The following MAPRE3 variants were observed in gnomAD, a reference collection of about 807,000 sequenced individuals.
The protein encoded by MAPRE3 is microtubule-associated protein RP/EB family member 3.
In MAPRE3, 2 loss-of-function variants were observed where a neutral mutation model predicts 30.5. That is an observed-to-expected ratio of 0.07 (90% CI 0.03 to 0.21). The LOEUF (loss-of-function observed/expected upper bound fraction) is 0.21. Ranked by LOEUF, MAPRE3 falls within the 10% of genes least tolerant of loss-of-function variation. The pLI is 1.00. For synonymous variants in MAPRE3, 110 were observed against 127.7 expected, an observed-to-expected ratio of 0.86 and a Z score of 0.93; for missense variants, 204 against 351.8, an observed-to-expected ratio of 0.58 and a Z score of 3.36.
intron 1 of MAPRE3, among the ~76,000 whole-genome samples, chr2:27,016,834 C>T (rs1383131334): frequency 1.3e-5 from 2 of 152,092 alleles, no homozygotes; most frequent in African/African-American, 4.8e-5. Flanking sequence ...AGAAGTTGGA[C>T]CTCTTTGGTG....
chr2:26,995,029 G>A (rs536756265), intron 1 of MAPRE3, among the ~76,000 whole-genome samples: 1 of 151,956 alleles, frequency 6.6e-6, no homozygotes, highest in South Asian at 2.1e-4. Context: ...TGCTCAAGAC[G>A]GAATCTCACT....
intron 1 of MAPRE3, among the ~76,000 whole-genome samples, chr2:26,981,618 G>T (rs1166543706): frequency 6.6e-6 from 1 of 152,168 alleles, no homozygotes; most frequent in Non-Finnish European, 1.5e-5. Context: ...CTCAGGAGTC[G>T]AGCTGTGCCT....
At chr2:27,003,893 C>T (rs1339906211) in intron 1 of MAPRE3, among the ~76,000 whole-genome samples, 2 of 152,252 alleles carry the variant, frequency 1.3e-5, no homozygotes, top group Non-Finnish European at 2.9e-5. Flanking sequence ...CCGTCACTCA[C>T]TGAATTGACA....
intron 1 of MAPRE3, chr2:26,996,794 G>A (rs763290649): frequency 3.9e-5 from 6 of 151,966 alleles, no homozygotes; most frequent in Non-Finnish European, 8.8e-5. Flanking sequence ...GCGACAGAGC[G>A]AGACTCCATC....
chr2:26,991,049 T>C (rs372087146), intron 1 of MAPRE3, among the ~76,000 whole-genome samples: 116 of 152,220 alleles, frequency 7.6e-4, no homozygotes, highest in South Asian at 4.8e-3. Context: ...GTCTGCAGAT[T>C]GAGACCATCC....
At chr2:26,989,990 A>G (rs535674045) in intron 1 of MAPRE3, among the ~76,000 whole-genome samples, 1 of 152,120 alleles carries the variant, frequency 6.6e-6, no homozygotes, top group Admixed American at 6.5e-5. Flanking sequence ...ACAAGCCTAG[A>G]CAACATAGTG....
rs1026022557 is a variant in MAPRE3 at position 26,970,660 on chromosome 2, CTG to C, written c.-147_-146del. The C allele has an allele frequency of 6.6e-6, 1 of 152,304 alleles. No homozygotes were observed. The highest frequency in any genetic ancestry group is 2.4e-5 in the African/African-American group (1 of 41,474). 9.4% of individuals were successfully genotyped at this position (152,304 alleles called of 1,614,324 possible). On this transcript the variant is annotated 5_prime_UTR_variant, in exon 1 of 7. Coordinates refer to ENST00000233121, the MANE Select transcript of MAPRE3 (RefSeq NM_012326.4). Reference sequence around the variant, plus strand: ...GCAGTGCCCTCGTCCCCCGCAGTCTCTGTGCGTTGAAGCCGGAGACCGCGGCG... The same window carrying C: ...GCAGTGCCCTCGTCCCCCGCAGTCTCTGCGTTGAAGCCGGAGACCGCGGCG...
chr2:27,007,980 G>C (rs1170139497), intron 1 of MAPRE3, among the ~76,000 whole-genome samples: 1 of 152,170 alleles, frequency 6.6e-6, no homozygotes, highest in Admixed American at 6.5e-5. Flanking sequence ...TTTAAAATAT[G>C]ATGAGTCCTT....
chr2:27,025,533 C>T lies in MAPRE3; in HGVS notation c.470-50C>T, dbSNP rs184867059. ...CCTCACACCAGGCTGTCTCCTGCCA[C>T]GTGCGCTGTGGGCTCACGTGGACTT... is the stretch of plus-strand genomic sequence containing the variant. On this transcript the variant is annotated intron_variant, in intron 4 of 6. Coordinates refer to ENST00000233121, the MANE Select transcript of MAPRE3 (RefSeq NM_012326.4). The T allele has an allele frequency of 6.6e-6, 10 of 1,522,836 alleles. No homozygotes were observed. In the East Asian group the frequency reaches 2.3e-4, roughly 34 times the overall value. 94.3% of individuals were successfully genotyped at this position (1,522,836 alleles called of 1,614,324 possible).
intron 1 of MAPRE3, chr2:27,014,881 G>A (rs1319542346): frequency 6.6e-6 from 1 of 152,344 alleles, no homozygotes; most frequent in African/African-American, 2.4e-5. Flanking sequence ...GTAGCCCAGT[G>A]ACAATGGGCA....
At chr2:27,013,731 C>G (rs1239210960) in intron 1 of MAPRE3, 1 of 152,380 alleles carries the variant, frequency 6.6e-6, no homozygotes, top group East Asian at 1.9e-4. Context: ...TGTCCCTACT[C>G]TCTCCCTGCT....
intron 1 of MAPRE3, among the ~76,000 whole-genome samples, chr2:26,971,540 G>A (rs576436570): frequency 1.3e-5 from 2 of 152,282 alleles, no homozygotes; most frequent in Admixed American, 1.3e-4. Context: ...AGGGAGAAGA[G>A]GTTGCGTTTG....
At chr2:27,011,486 C>T (rs1666853221) in intron 1 of MAPRE3, among the ~76,000 whole-genome samples, 1 of 152,176 alleles carries the variant, frequency 6.6e-6, no homozygotes, top group Non-Finnish European at 1.5e-5. Context: ...ATCCCATGTC[C>T]TCATGATGCC....
chr2:26,997,560 C>T (rs1448849086), intron 1 of MAPRE3, among the ~76,000 whole-genome samples: 4 of 152,028 alleles, frequency 2.6e-5, no homozygotes, highest in African/African-American at 4.8e-5. Context: ...GATCTGGTGC[C>T]GCCGCTGATC....
At chr2:27,008,452 G>T (rs940434281) in intron 1 of MAPRE3, among the ~76,000 whole-genome samples, 1 of 152,038 alleles carries the variant, frequency 6.6e-6, no homozygotes, top group Non-Finnish European at 1.5e-5. Context: ...TTAAAGTTAT[G>T]AAATTTATTT....
At position 27,022,132 on chromosome 2, in the gene MAPRE3, T is replaced by A. The variant is rs771535441; in HGVS notation, c.-7-80T>A. The A allele has an allele frequency of 4.8e-5, 72 of 1,512,172 alleles. No individual in the cohort carries two copies. In the African/African-American group the frequency reaches 9.6e-4, roughly 20 times the overall value. 93.7% of individuals were successfully genotyped at this position (1,512,172 alleles called of 1,614,324 possible). A position where few individuals can be genotyped will look rare whatever the true frequency, so the allele number is the denominator to read the frequency against. The stretch of plus-strand genomic sequence containing the variant: ...AGGGAATGTTTCTTACTTCCCAGTA[T>A]CATACAGCCCCTCTCTCTTGACAGC... On this transcript the variant is annotated intron_variant, in intron 1 of 6. Transcript: ENST00000233121.
At chr2:26,980,243 A>G (rs1666086111) in intron 1 of MAPRE3, among the ~76,000 whole-genome samples, 2 of 152,222 alleles carry the variant, frequency 1.3e-5, no homozygotes, top group Non-Finnish European at 2.9e-5. Flanking sequence ...TCCATTCAGT[A>G]AAACACTGGA....
chr2:26,972,882 A>T (rs1665941828), intron 1 of MAPRE3, among the ~76,000 whole-genome samples: 1 of 152,172 alleles, frequency 6.6e-6, no homozygotes, highest in Admixed American at 6.5e-5. Context: ...ATAATGATGG[A>T]ATGCCTTTTA....
chr2:27,018,899 A>T lies in MAPRE3; in HGVS notation c.-7-3313A>T, dbSNP rs4616434. On this transcript the variant is annotated intron_variant, in intron 1 of 6. Transcript: ENST00000233121. ...GGAAGGGGCAGGCACACACATTTTTATTTATTTATTTATTTATTTATTTAT... is the reference window on the plus strand; with the variant it reads ...GGAAGGGGCAGGCACACACATTTTTTTTTATTTATTTATTTATTTATTTAT... 3.6e-3 allele frequency among the ~76,000 whole-genome samples: 531 copies of T among 145,920 alleles called. 3 individuals are homozygous for T. The highest frequency in any genetic ancestry group is 0.013 in the African/African-American group (494 of 37,200).
Sources: gnomAD v4.1 joint callset for allele counts (sites outside exome capture counted in the v4.1 genomes callset) on GRCh38, gnomAD v4.1.1 for gene constraint, MANE v1.5 for transcripts, NCBI Gene and HGNC (gene_info 2026-07-23, HGNC 2026-07-21) for gene names.